GPC6: variants seen among roughly 807,000 people sequenced by gnomAD.
GPC6 encodes glypican-6.
A neutral mutation model predicts 55.2 loss-of-function variants in GPC6; 14 were observed. The observed-to-expected ratio is 0.25, with a 90% CI of 0.17 to 0.40. GPC6 has a LOEUF of 0.40. Ranked by LOEUF, GPC6 falls within the 10% of genes least tolerant of loss-of-function variation. The pLI is 1.00. For synonymous variants in GPC6, 278 were observed against 259.6 expected (o/e 1.07, Z -0.68); for missense variants, 641 against 708.5 (o/e 0.90, Z 1.08).
At chr13:93,253,625 G>A (rs951417510) in intron 1 of GPC6, among the ~76,000 whole-genome samples, 8 of 152,194 alleles carry the variant, frequency 5.3e-5, no homozygotes, top group East Asian at 3.9e-4. Flanking sequence ...AAGAAAAACC[G>A]AGTGCTCTGA....
At chr13:93,657,939 TA>T (rs1178096862) in intron 2 of GPC6, among the ~76,000 whole-genome samples, 3 of 151,596 alleles carry the variant, frequency 2.0e-5, no homozygotes, top group Non-Finnish European at 4.4e-5. Context: ...CTATTTAAAA[TA>T]AAAAAATAAC....
intron 2 of GPC6, among the ~76,000 whole-genome samples, chr13:93,587,145 C>G (rs1190901846): frequency 6.6e-6 from 1 of 152,086 alleles, no homozygotes; most frequent in Non-Finnish European, 1.5e-5. Context: ...TCACTATCCT[C>G]TCTGGGCCTT....
chr13:93,721,506 T>C (rs770179007), intron 2 of GPC6, among the ~76,000 whole-genome samples: 12 of 151,632 alleles, frequency 7.9e-5, no homozygotes, highest in Non-Finnish European at 1.8e-4. Flanking sequence ...AATTTGCTGA[T>C]GAGATTGATG....
intron 1 of GPC6, among the ~76,000 whole-genome samples, chr13:93,293,816 A>G (rs1878393388): frequency 6.6e-6 from 1 of 151,508 alleles, no homozygotes; most frequent in South Asian, 2.1e-4. Flanking sequence ...TCATGAGTTT[A>G]GGAAGTGAGA....
intron 1 of GPC6, among the ~76,000 whole-genome samples, chr13:93,536,154 C>T (rs1401062849): frequency 6.6e-6 from 1 of 152,070 alleles, no homozygotes; most frequent in Admixed American, 6.6e-5. Flanking sequence ...AAGTCTCATT[C>T]ATGCAGTGGG....
intron 6 of GPC6, among the ~76,000 whole-genome samples, chr13:94,311,325 C>T (rs943180172): frequency 6.6e-6 from 1 of 152,070 alleles, no homozygotes; most frequent in Non-Finnish European, 1.5e-5. Context: ...CACACCACCA[C>T]ACCCAGATAA....
intron 3 of GPC6, among the ~76,000 whole-genome samples, chr13:93,970,963 A>G (rs940302999): frequency 6.6e-6 from 1 of 152,236 alleles, no homozygotes; most frequent in Non-Finnish European, 1.5e-5. Flanking sequence ...TTATCTATTA[A>G]TGTTATCCAG....
At chr13:93,877,322 G>A (rs80229975) in intron 3 of GPC6, among the ~76,000 whole-genome samples, 5,774 of 151,986 alleles carry the variant, frequency 0.038, 345 homozygotes, top group African/African-American at 0.13. Flanking sequence ...TAAAAGTCAT[G>A]TACCTAGAAC....
intron 6 of GPC6, among the ~76,000 whole-genome samples, chr13:94,361,052 A>C (rs1162823042): frequency 2.0e-5 from 3 of 152,256 alleles, no homozygotes; most frequent in Admixed American, 2.0e-4. Context: ...AGGTCACCAT[A>C]GAAATGCAAT....
intron 1 of GPC6, among the ~76,000 whole-genome samples, chr13:93,281,220 A>T (rs1476006987): frequency 6.6e-6 from 1 of 152,136 alleles, no homozygotes; most frequent in Non-Finnish European, 1.5e-5. Flanking sequence ...AACAGATTAA[A>T]GTTGCTTTTT....
chr13:94,258,284 A>G (rs1418340948), intron 4 of GPC6, among the ~76,000 whole-genome samples: 1 of 152,232 alleles, frequency 6.6e-6, no homozygotes, highest in Non-Finnish European at 1.5e-5. Context: ...GGGGCCGACA[A>G]ACATTTGGTT....
chr13:93,427,530 G>GGAAA (rs1345349510), intron 1 of GPC6, among the ~76,000 whole-genome samples: 1 of 152,094 alleles, frequency 6.6e-6, no homozygotes, highest in Non-Finnish European at 1.5e-5. Flanking sequence ...AATGGTGCTG[G>GGAAA]GAAAACTGGC....
chr13:93,830,926 T>C (rs1252950537), intron 3 of GPC6: 1 of 185,902 alleles, frequency 5.4e-6, no homozygotes, highest in African/African-American at 2.4e-5. Context: ...TATAATCCTC[T>C]AGGGAGTCAA....
In GPC6 at chr13:93,537,480, T is replaced by A. The variant is rs1162197087; in HGVS notation, c.161-7783T>A. On this transcript the variant is annotated intron_variant, in intron 1 of 8. Coordinates refer to ENST00000377047, the MANE Select transcript of GPC6 (RefSeq NM_005708.5). ...ATCAGTTATCAATTCCAATAATAAT[T>A]AGATAATAATAGATTGATTATTTTG... Among the ~76,000 whole-genome samples the A allele has an allele frequency of 5.9e-5, 9 of 152,204 alleles. No individual in the cohort carries two copies. In the East Asian group the frequency reaches 1.7e-3, roughly 29 times the overall value.
At chr13:94,266,590 C>A (rs901797385) in intron 4 of GPC6, among the ~76,000 whole-genome samples, 14 of 150,302 alleles carry the variant, frequency 9.3e-5, no homozygotes, top group African/African-American at 3.4e-4. Context: ...GCAATTCTAG[C>A]AAACTTCAAA....
intron 2 of GPC6, among the ~76,000 whole-genome samples, chr13:93,777,674 T>A (rs1285351664): frequency 6.6e-6 from 1 of 152,186 alleles, no homozygotes; most frequent in African/African-American, 2.4e-5. Flanking sequence ...TGAATACATT[T>A]AATTGCTGTC....
chr13:93,987,062 C>T (rs1393080793), intron 3 of GPC6, among the ~76,000 whole-genome samples: 1 of 152,108 alleles, frequency 6.6e-6, no homozygotes, highest in Non-Finnish European at 1.5e-5. Flanking sequence ...TTAAATCTAA[C>T]TTAACCTTCA....
chr13:94,071,809 A>G (rs1884744877), intron 4 of GPC6, among the ~76,000 whole-genome samples: 2 of 152,352 alleles, frequency 1.3e-5, no homozygotes, highest in South Asian at 4.1e-4. Context: ...GCCACAATAA[A>G]AAGTTACAAA....
At chr13:94,377,205 C>A (rs1249224736) in intron 6 of GPC6, among the ~76,000 whole-genome samples, 3 of 151,814 alleles carry the variant, frequency 2.0e-5, no homozygotes, top group Non-Finnish European at 4.4e-5. Context: ...CAAATGGGAT[C>A]TAATTAAAGA....
Sources: gnomAD v4.1 joint callset for allele counts (sites outside exome capture counted in the v4.1 genomes callset) on GRCh38, gnomAD v4.1.1 for gene constraint, MANE v1.5 for transcripts, NCBI Gene and HGNC (gene_info 2026-07-23, HGNC 2026-07-21) for gene names.